The following CNTNAP5 variants were observed in gnomAD, a reference collection of about 807,000 sequenced individuals.
CNTNAP5 encodes the protein contactin-associated protein-like 5.
A neutral mutation model predicts 150.2 loss-of-function variants in CNTNAP5; 72 were observed. The observed-to-expected ratio is 0.48, with a 90% CI of 0.40 to 0.58. The LOEUF (loss-of-function observed/expected upper bound fraction) is 0.58, where lower values mean the gene tolerates loss of function less well. Among genes scored for constraint, CNTNAP5 ranks in the 20% least tolerant of loss-of-function variants. The pLI is 0.00. For synonymous variants in CNTNAP5, 672 were observed against 619.8 expected (o/e 1.08, Z -1.25); for missense variants, 1,636 against 1,626.2 (o/e 1.01, Z -0.10).
At chr2:124,791,427 G>A (rs1019367230) in intron 18 of CNTNAP5, among the ~76,000 whole-genome samples, 1 of 152,294 alleles carries the variant, frequency 6.6e-6, no homozygotes, top group South Asian at 2.1e-4. Context: ...GTAAAGTGCT[G>A]CTAGGTATTC....
chr2:124,626,064 T>A (rs1035176917), intron 12 of CNTNAP5, among the ~76,000 whole-genome samples: 1 of 152,162 alleles, frequency 6.6e-6, no homozygotes, highest in Non-Finnish European at 1.5e-5. Context: ...GTACAATATC[T>A]GACATGCCCT....
chr2:124,253,395 T>G (rs763468806), intron 3 of CNTNAP5, among the ~76,000 whole-genome samples: 1 of 152,220 alleles, frequency 6.6e-6, no homozygotes, highest in Non-Finnish European at 1.5e-5. Flanking sequence ...TCTTGATTTC[T>G]TCTTATCTAT....
At position 124,563,534 on chromosome 2, in the gene CNTNAP5, G is replaced by A. The variant is rs567572121; in HGVS notation, c.1756+211G>A. Among the ~76,000 whole-genome samples, 43 of 152,326 alleles carry A rather than the reference G, an allele frequency of 2.8e-4. No individual in the cohort carries two copies. The South Asian group carries it at 6.6e-3, about 23-fold the overall frequency. On this transcript the variant is annotated intron_variant, in intron 11 of 23. Transcript: ENST00000682447. Reference sequence around the variant, plus strand: ...TTCTTGTGGAGTTTATGGTCTACCAGCAAGACAGGCAGGAAATGAGATCAT... The same window carrying A: ...TTCTTGTGGAGTTTATGGTCTACCAACAAGACAGGCAGGAAATGAGATCAT...
intron 1 of CNTNAP5, among the ~76,000 whole-genome samples, chr2:124,118,934 A>G (rs1025608754): frequency 1.3e-5 from 2 of 152,152 alleles, no homozygotes; most frequent in Non-Finnish European, 1.5e-5. Flanking sequence ...CATGTATACA[A>G]TGCTGCTAGG....
chr2:124,485,612 C>CAAAAAAAAAAAAAAAA (rs576700912), intron 7 of CNTNAP5, among the ~76,000 whole-genome samples: 4 of 52,392 alleles, frequency 7.6e-5, no homozygotes, highest in African/African-American at 2.6e-4. Flanking sequence ...GACTCTGTCT[C>CAAAAAAAAAAAAAAAA]AAAAAAAAAA....
chr2:124,152,722 A>G (rs1222357757), intron 1 of CNTNAP5, among the ~76,000 whole-genome samples: 2 of 152,162 alleles, frequency 1.3e-5, no homozygotes, highest in Non-Finnish European at 2.9e-5. Context: ...GGAGAGGAAC[A>G]TGACAGATTG....
chr2:124,242,502 G>A (rs1686912995), intron 3 of CNTNAP5, 109 bp downstream of exon 3: 4 of 1,043,256 alleles, frequency 3.8e-6, no homozygotes, highest in Non-Finnish European at 5.6e-6. Context: ...TTAATAACTG[G>A]TGAGTGCCCA....
chr2:124,681,385 C>A (rs1679066176), intron 13 of CNTNAP5, among the ~76,000 whole-genome samples: 2 of 151,320 alleles, frequency 1.3e-5, no homozygotes, highest in Middle Eastern at 3.4e-3. Context: ...TGTAACAACT[C>A]TTTTATCAGA....
At chr2:124,119,208 T>A (rs1462152392) in intron 1 of CNTNAP5, among the ~76,000 whole-genome samples, 4 of 152,192 alleles carry the variant, frequency 2.6e-5, no homozygotes, top group African/African-American at 9.7e-5. Flanking sequence ...TCTCATCGCG[T>A]CACTGCTTCA....
intron 12 of CNTNAP5, among the ~76,000 whole-genome samples, chr2:124,646,674 T>C (rs2105026375): frequency 6.6e-6 from 1 of 152,372 alleles, no homozygotes; most frequent in African/African-American, 2.4e-5. Context: ...CTACAGAGTG[T>C]CTGATACATC....
chr2:124,308,553 A>G (rs1009820453), intron 3 of CNTNAP5, among the ~76,000 whole-genome samples: 3 of 152,224 alleles, frequency 2.0e-5, no homozygotes, highest in Non-Finnish European at 4.4e-5. Flanking sequence ...GCCAGACACT[A>G]TTTAAACAGG....
intron 13 of CNTNAP5, among the ~76,000 whole-genome samples, chr2:124,648,177 C>T (rs186103060): frequency 7.0e-4 from 107 of 152,248 alleles, no homozygotes; most frequent in African/African-American, 2.2e-3. Context: ...AAGTTTTCTC[C>T]TCATCATAAA....
chr2:124,284,692 G>A lies in CNTNAP5; in HGVS notation c.381+42299G>A, dbSNP rs1333218263. On this transcript the variant is annotated intron_variant, in intron 3 of 23. Transcript: ENST00000682447. ...GTTCTCAAGAAACTAAAAGGCCCGG[G>A]CAGGTCTTAATAGAGACTAAACTCA... Among the ~76,000 whole-genome samples, 9 of 152,204 alleles carry A rather than the reference G, an allele frequency of 5.9e-5. No homozygotes were observed. The East Asian group carries it at 1.7e-3, about 30-fold the overall frequency.
intron 12 of CNTNAP5, among the ~76,000 whole-genome samples, chr2:124,646,399 C>T (rs1343609772): frequency 2.6e-5 from 4 of 152,086 alleles, no homozygotes; most frequent in Non-Finnish European, 5.9e-5. Flanking sequence ...GGATGTGCCT[C>T]GGGTCATTTC....
intron 2 of CNTNAP5, among the ~76,000 whole-genome samples, chr2:124,234,793 G>T (rs1309609389): frequency 6.6e-6 from 1 of 152,158 alleles, no homozygotes; most frequent in East Asian, 1.9e-4. Flanking sequence ...ATATTTATTG[G>T]AGGACATCAG....
intron 3 of CNTNAP5, among the ~76,000 whole-genome samples, chr2:124,403,745 A>G (rs1179855683): frequency 6.6e-6 from 1 of 152,168 alleles, no homozygotes; most frequent in African/African-American, 2.4e-5. Context: ...TGCTGCTAAT[A>G]AAGACATACC....
intron 6 of CNTNAP5, among the ~76,000 whole-genome samples, chr2:124,462,467 T>C (rs933483824): frequency 2.6e-5 from 4 of 152,214 alleles, no homozygotes; most frequent in Non-Finnish European, 5.9e-5. Flanking sequence ...TTACATATGA[T>C]GAAGGGAATA....
chr2:124,171,134 T>C (rs557242536), intron 1 of CNTNAP5, among the ~76,000 whole-genome samples: 5 of 152,322 alleles, frequency 3.3e-5, no homozygotes, highest in African/African-American at 1.2e-4. Context: ...CAAAACAGGA[T>C]AGAGTTACAG....
At chr2:124,153,972 G>T (rs115647252) in intron 1 of CNTNAP5, among the ~76,000 whole-genome samples, 3 of 151,748 alleles carry the variant, frequency 2.0e-5, no homozygotes, top group South Asian at 2.1e-4. Context: ...AAATCTGCCC[G>T]CATGACCTAA....
Sources: allele counts gnomAD v4.1 joint callset (sites outside exome capture counted in the v4.1 genomes callset), GRCh38; gene constraint gnomAD v4.1.1; transcripts MANE v1.5; gene names NCBI Gene and HGNC (gene_info 2026-07-23, HGNC 2026-07-21).